Variants in C8orf34 observed in about 807,000 individuals in gnomAD.
C8orf34 encodes the protein chromosome 8 open reading frame 34.
C8orf34 carries 65 observed loss-of-function variants against 68.3 expected under a neutral mutation model. The observed-to-expected ratio is 0.95, with a 90% CI of 0.78 to 1.17. C8orf34 has a LOEUF of 1.17. C8orf34 is among the 50% of genes most tolerant of loss of function. The pLI is 0.00. For missense variants in C8orf34, 664 were observed against 655.4 expected (o/e 1.01, Z -0.14); for synonymous variants, 244 against 241.2 (o/e 1.01, Z -0.11).
intron 7 of C8orf34, among the ~76,000 whole-genome samples, chr8:68,624,718 C>G (rs1307408568): frequency 6.6e-6 from 1 of 152,012 alleles, no homozygotes; most frequent in Non-Finnish European, 1.5e-5. Context: ...ATAGACAGTT[C>G]CTGCCCTCCT....
At chr8:68,416,139 G>T (rs1380298305) in intron 1 of C8orf34, among the ~76,000 whole-genome samples, 2 of 152,092 alleles carry the variant, frequency 1.3e-5, no homozygotes, top group Admixed American at 1.3e-4. Context: ...TAGACTTTGG[G>T]TTCTACTAGG....
In C8orf34 at chr8:68,692,667, T is replaced by C. The variant is rs1419543266; in HGVS notation, c.1242-16327T>C. Among the ~76,000 whole-genome samples, 3 of 152,088 alleles carry C rather than the reference T, an allele frequency of 2.0e-5. 1 individual carries two copies. Among genetic ancestry groups the C allele is most frequent in the Non-Finnish European group, 4.4e-5 (3 of 68,004 alleles). On this transcript the variant is annotated intron_variant, in intron 8 of 13. Coordinates refer to ENST00000518698, the MANE Select transcript of C8orf34 (RefSeq NM_052958.4). ...TGTTAATATAGATTCCTCTGCATCA[T>C]CTCCAGAAAATAAGGATCTAAAGTC...
intron 12 of C8orf34, chr8:68,792,571 C>CAAAAAAAAAAA (rs1162293308): frequency 2.1e-4 from 9 of 42,294 alleles, no homozygotes; most frequent in African/African-American, 5.6e-4. Flanking sequence ...GACTCCATCT[C>CAAAAAAAAAAA]AAAAAAAAAA....
intron 7 of C8orf34, chr8:68,535,702 C>G (rs1358299431): frequency 1.2e-6 from 1 of 834,798 alleles, no homozygotes; most frequent in African/African-American, 1.9e-5. Flanking sequence ...AGTACAACAC[C>G]TGTAATTTTT....
At chr8:68,612,290 A>C (rs1586449133) in intron 7 of C8orf34, among the ~76,000 whole-genome samples, 1 of 152,160 alleles carries the variant, frequency 6.6e-6, no homozygotes, top group East Asian at 1.9e-4. Flanking sequence ...TGAGTTAGCC[A>C]GTTCTTTTCC....
At chr8:68,667,180 A>G (rs1178470002) in intron 8 of C8orf34, among the ~76,000 whole-genome samples, 1 of 152,220 alleles carries the variant, frequency 6.6e-6, no homozygotes, top group African/African-American at 2.4e-5. Flanking sequence ...ATGAAGTCAA[A>G]GAGTTTATAT....
intron 1 of C8orf34, among the ~76,000 whole-genome samples, chr8:68,388,672 T>C (rs1808359491): frequency 1.3e-5 from 2 of 152,182 alleles, no homozygotes; most frequent in African/African-American, 2.4e-5. Context: ...TGGATATTCA[T>C]CAAGTTACTT....
At chr8:68,711,557 G>A (rs1019791954) in intron 9 of C8orf34, among the ~76,000 whole-genome samples, 12 of 151,904 alleles carry the variant, frequency 7.9e-5, no homozygotes, top group Non-Finnish European at 1.6e-4. Context: ...TAAACAAGCA[G>A]AAGAAAGAAC....
intron 3 of C8orf34, among the ~76,000 whole-genome samples, chr8:68,449,141 AAGTT>A (rs1256142549): frequency 6.6e-6 from 1 of 152,138 alleles, no homozygotes; most frequent in Non-Finnish European, 1.5e-5. Context: ...ATGCTCAACA[AAGTT>A]AGTCACATGG....
intron 8 of C8orf34, among the ~76,000 whole-genome samples, chr8:68,682,395 T>C (rs1820396009): frequency 6.6e-6 from 1 of 152,160 alleles, no homozygotes; most frequent in Non-Finnish European, 1.5e-5. Context: ...AGATTTGTTA[T>C]GCAGATTTAG....
chr8:68,682,130 A>G (rs555420645), intron 8 of C8orf34, among the ~76,000 whole-genome samples: 2 of 152,298 alleles, frequency 1.3e-5, no homozygotes, highest in Non-Finnish European at 2.9e-5. Context: ...GTAGTGCTGT[A>G]GTCTGTAGTA....
intron 7 of C8orf34, among the ~76,000 whole-genome samples, chr8:68,564,580 G>A (rs967372784): frequency 2.0e-5 from 3 of 152,184 alleles, no homozygotes; most frequent in Non-Finnish European, 4.4e-5. Flanking sequence ...CTTTTTGGAA[G>A]ATTTCTACCC....
chr8:68,652,468 T>C (rs1563587196), intron 8 of C8orf34, among the ~76,000 whole-genome samples: 1 of 152,198 alleles, frequency 6.6e-6, no homozygotes, highest in East Asian at 1.9e-4. Context: ...TGGTGTCATA[T>C]CTAAGAAACT....
chr8:68,399,941 G>C lies in C8orf34; in HGVS notation c.328-39558G>C, dbSNP rs113509419. 4.6e-5 allele frequency among the ~76,000 whole-genome samples: 7 copies of C among 151,880 alleles called. 1 individual carries two copies. The highest frequency in any genetic ancestry group is 8.8e-5 in the Non-Finnish European group (6 of 67,920). ...ATGAGCATTTTTTCATATGCTTATT[G>C]GCCACTTGTATGTCTTCTTTTGAAA... On this transcript the variant is annotated intron_variant, in intron 1 of 13. Coordinates refer to ENST00000518698, the MANE Select transcript of C8orf34 (RefSeq NM_052958.4).
At chr8:68,646,372 G>A (rs895140535) in intron 8 of C8orf34, among the ~76,000 whole-genome samples, 1 of 151,212 alleles carries the variant, frequency 6.6e-6, no homozygotes, top group African/African-American at 2.4e-5. Flanking sequence ...ATATTTATGG[G>A]GTACAATATG....
chr8:68,475,603 G>T (rs1211277495), intron 4 of C8orf34, among the ~76,000 whole-genome samples: 1 of 152,206 alleles, frequency 6.6e-6, no homozygotes, highest in African/African-American at 2.4e-5. Context: ...TGACTTGTTT[G>T]CTGGGATCTT....
chr8:68,752,495 G>A (rs1404578552), intron 10 of C8orf34, among the ~76,000 whole-genome samples: 3 of 152,104 alleles, frequency 2.0e-5, no homozygotes, highest in Admixed American at 2.0e-4. Flanking sequence ...CCTATGGGAG[G>A]ATTTATTCCA....
intron 5 of C8orf34, among the ~76,000 whole-genome samples, chr8:68,505,806 A>C (rs1251934402): frequency 2.6e-5 from 4 of 152,116 alleles, no homozygotes; most frequent in Non-Finnish European, 5.9e-5. Flanking sequence ...GAGGTATTGA[A>C]GTTAACTGAG....
chr8:68,412,372 T>C (rs1432616448), intron 1 of C8orf34, among the ~76,000 whole-genome samples: 1 of 152,216 alleles, frequency 6.6e-6, no homozygotes, highest in Non-Finnish European at 1.5e-5. Flanking sequence ...GAAATAGTTC[T>C]AATATAGAGG....
Sources: gnomAD v4.1 joint callset for allele counts (sites outside exome capture counted in the v4.1 genomes callset) on GRCh38, gnomAD v4.1.1 for gene constraint, MANE v1.5 for transcripts, NCBI Gene and HGNC (gene_info 2026-07-23, HGNC 2026-07-21) for gene names.